Variants in BLTP3A observed in about 807,000 individuals in gnomAD.
BLTP3A encodes the protein bridge-like lipid transfer protein family member 3A, also known as ICBP90 binding protein 1.
the BLTP3A span, among the ~76,000 whole-genome samples, chr6:34,810,349 G>C: frequency 6.6e-6 from 1 of 152,182 alleles, no homozygotes; most frequent in African/African-American, 2.4e-5. Flanking sequence ...AACTGCTCTT[G>C]CTGAGATGAC....
At chr6:34,854,371 A>G in the BLTP3A span, among the ~76,000 whole-genome samples, 2 of 152,130 alleles carry the variant, frequency 1.3e-5, no homozygotes, top group South Asian at 4.1e-4. Flanking sequence ...ATATACATAA[A>G]TAAAACTAAA....
chr6:34,807,292 C>T, the BLTP3A span, among the ~76,000 whole-genome samples: 9 of 148,844 alleles, frequency 6.0e-5, no homozygotes, highest in Non-Finnish European at 7.5e-5. Flanking sequence ...CCCTAACCAC[C>T]GTGGGAGCTG....
the BLTP3A span, among the ~76,000 whole-genome samples, chr6:34,837,100 T>G: frequency 1.3e-5 from 2 of 152,260 alleles, no homozygotes; most frequent in African/African-American, 2.4e-5. Context: ...ATTACCCTGC[T>G]GCTTGTTTCT....
chr6:34,817,907 G>A, the BLTP3A span, among the ~76,000 whole-genome samples: 1 of 150,420 alleles, frequency 6.6e-6, no homozygotes, highest in Non-Finnish European at 1.5e-5. Flanking sequence ...AGGCTGGAGT[G>A]CAATGGCGCT....
the BLTP3A span, among the ~76,000 whole-genome samples, chr6:34,824,737 C>A: frequency 6.6e-6 from 1 of 151,834 alleles, no homozygotes. Context: ...GTGGCACGAT[C>A]TTGGCTCACT....
At chr6:34,835,271 C>G in the BLTP3A span, 1 of 1,611,636 alleles carries the variant, frequency 6.2e-7, no homozygotes, top group African/African-American at 1.3e-5. Flanking sequence ...TGATAAACCC[C>G]ATGTTGTCTG....
At chr6:34,813,583 C>T in the BLTP3A span, among the ~76,000 whole-genome samples, 5 of 152,214 alleles carry the variant, frequency 3.3e-5, no homozygotes, top group African/African-American at 1.2e-4. Context: ...TTCCCACATA[C>T]TTGAAGTGGA....
the BLTP3A span, among the ~76,000 whole-genome samples, chr6:34,826,286 T>G: frequency 6.6e-6 from 1 of 151,970 alleles, no homozygotes; most frequent in Non-Finnish European, 1.5e-5. Flanking sequence ...CCTCCCAAAG[T>G]GCTGGGATTA....
the BLTP3A span, among the ~76,000 whole-genome samples, chr6:34,862,563 G>A: frequency 6.6e-6 from 1 of 151,840 alleles, no homozygotes; most frequent in Non-Finnish European, 1.5e-5. Flanking sequence ...GGCTGGGCGC[G>A]GTGGCTCACG....
At chr6:34,867,942 TC>T in the BLTP3A span, among the ~76,000 whole-genome samples, 1 of 152,210 alleles carries the variant, frequency 6.6e-6, no homozygotes, top group Admixed American at 6.5e-5. Flanking sequence ...TCATTCAGAT[TC>T]AGTCCTTTGA....
chr6:34,835,567 T>A, the BLTP3A span: 1 of 1,322,512 alleles, frequency 7.6e-7, no homozygotes, highest in Non-Finnish European at 1.0e-6. Flanking sequence ...GGGAAATTTG[T>A]CATTTACTTC....
chr6:34,798,594 C>CTTTT, the BLTP3A span, among the ~76,000 whole-genome samples: 74 of 94,326 alleles, frequency 7.8e-4, no homozygotes, highest in African/African-American at 9.6e-4. Flanking sequence ...TTCTTTCTTT[C>CTTTT]TTTTTTTTTT....
the BLTP3A span, among the ~76,000 whole-genome samples, chr6:34,830,284 T>C: frequency 6.6e-6 from 1 of 151,820 alleles, no homozygotes; most frequent in Admixed American, 6.6e-5. Context: ...TGACTCCATG[T>C]ATTTGCCAAA....
the BLTP3A span, among the ~76,000 whole-genome samples, chr6:34,806,944 C>T: frequency 1.3e-5 from 2 of 152,022 alleles, no homozygotes; most frequent in Non-Finnish European, 2.9e-5. Context: ...ACAGGCATGA[C>T]CCATTGCACC....
the BLTP3A span, chr6:34,872,691 T>C: frequency 3.1e-6 from 1 of 327,814 alleles, no homozygotes; most frequent in Non-Finnish European, 5.5e-6. Context: ...ATGTCTTGCC[T>C]GTATAAAGCC....
At chr6:34,814,085 C>G in the BLTP3A span, among the ~76,000 whole-genome samples, 1 of 152,190 alleles carries the variant, frequency 6.6e-6, no homozygotes, top group East Asian at 1.9e-4. Flanking sequence ...GGGACAATCT[C>G]AGCTCACTGC....
At chr6:34,830,327 G>T in the BLTP3A span, among the ~76,000 whole-genome samples, 1 of 151,694 alleles carries the variant, frequency 6.6e-6, no homozygotes, top group Non-Finnish European at 1.5e-5. Context: ...GGTGACTCAC[G>T]CCTGTAATCC....
chr6:34,809,645 G>C, the BLTP3A span, among the ~76,000 whole-genome samples: 1 of 151,866 alleles, frequency 6.6e-6, no homozygotes, highest in Admixed American at 6.6e-5. Context: ...AGCTCACTGC[G>C]ACCTCTGCCT....
At chr6:34,820,614 C>G in the BLTP3A span, among the ~76,000 whole-genome samples, 1 of 150,614 alleles carries the variant, frequency 6.6e-6, no homozygotes, top group African/African-American at 2.4e-5. Flanking sequence ...GAAGATACTT[C>G]ATATTCTATT....
Sources: allele counts gnomAD v4.1 joint callset (sites outside exome capture counted in the v4.1 genomes callset), GRCh38; gene constraint gnomAD v4.1.1; transcripts MANE v1.5; gene names NCBI Gene and HGNC (gene_info 2026-07-23, HGNC 2026-07-21).